The following GFRAL variants were observed in gnomAD, a reference collection of about 807,000 sequenced individuals.
GFRAL encodes GDNF family receptor alpha-like.
Under a neutral mutation model 45.4 loss-of-function variants are expected in GFRAL, and 36 were observed. The ratio of observed to expected loss-of-function variants is 0.79; its 90% CI spans 0.61 to 1.05. The LOEUF is 1.05. Among genes scored for constraint, GFRAL ranks in the 50% least tolerant of loss-of-function variants. The probability of loss-of-function intolerance (pLI) is 0.00; values close to 1 mark genes in which losing one functional copy is unlikely to be tolerated. For missense variants in GFRAL, 507 were observed against 467.5 expected, an observed-to-expected ratio of 1.08 and a Z score of -0.78; for synonymous variants, 166 against 154.1, an observed-to-expected ratio of 1.08 and a Z score of -0.57.
chr6:55,400,852 A>G (rs771666447), intron 8 of GFRAL, among the ~76,000 whole-genome samples: 3 of 152,206 alleles, frequency 2.0e-5, no homozygotes, highest in Non-Finnish European at 2.9e-5. Flanking sequence ...ATTCCATGAC[A>G]AACATTGTTA....
intron 3 of GFRAL, among the ~76,000 whole-genome samples, chr6:55,349,633 C>A (rs915279059): frequency 2.0e-5 from 3 of 151,966 alleles, no homozygotes; most frequent in African/African-American, 4.8e-5. Flanking sequence ...TTTCTAAGAA[C>A]TCTTGGAGGA....
At chr6:55,392,162 C>A (rs1413323753) in intron 6 of GFRAL, among the ~76,000 whole-genome samples, 1 of 152,146 alleles carries the variant, frequency 6.6e-6, no homozygotes, top group East Asian at 1.9e-4. Context: ...ACCCAGAGTG[C>A]AAATTATTCT....
At chr6:55,340,455 G>A (rs1767947565) in intron 3 of GFRAL, among the ~76,000 whole-genome samples, 1 of 152,128 alleles carries the variant, frequency 6.6e-6, no homozygotes, top group South Asian at 2.1e-4. Flanking sequence ...TCTCCATGAT[G>A]TATCCATTAA....
chr6:55,350,980 G>A (rs181369999), intron 4 of GFRAL, among the ~76,000 whole-genome samples: 381 of 152,170 alleles, frequency 2.5e-3, no homozygotes, highest in Non-Finnish European at 4.2e-3. Flanking sequence ...CTTGGACTGG[G>A]AGATTTTTCC....
At chr6:55,390,934 A>AC (rs70986712) in intron 6 of GFRAL, among the ~76,000 whole-genome samples, 4,575 of 112,800 alleles carry the variant, frequency 0.041, 96 homozygotes, top group African/African-American at 0.091. Context: ...ACACACACAC[A>AC]AGTAGTGGTC....
chr6:55,345,565 A>G (rs539043632), intron 3 of GFRAL, among the ~76,000 whole-genome samples: 9 of 152,342 alleles, frequency 5.9e-5, no homozygotes, highest in East Asian at 1.9e-4. Flanking sequence ...AAAGACTTAC[A>G]TGTTAGACCT....
intron 6 of GFRAL, among the ~76,000 whole-genome samples, chr6:55,369,817 T>G (rs1188545773): frequency 1.2e-4 from 19 of 152,238 alleles, no homozygotes; most frequent in Admixed American, 1.2e-3. Context: ...ATTCTGTTTC[T>G]TCTTACCTAC....
chr6:55,386,788 A>G (rs1768686500), intron 6 of GFRAL, among the ~76,000 whole-genome samples: 1 of 152,302 alleles, frequency 6.6e-6, no homozygotes, highest in Middle Eastern at 3.4e-3. Flanking sequence ...TAGTTTCACC[A>G]CTAGGTTTAC....
intron 3 of GFRAL, among the ~76,000 whole-genome samples, chr6:55,342,831 G>T (rs1168937954): frequency 6.6e-6 from 1 of 152,036 alleles, no homozygotes; most frequent in Non-Finnish European, 1.5e-5. Flanking sequence ...GATGGAGGAA[G>T]ATCTACCAAG....
Position 55,351,228 on chromosome 6 carries a change from G to A in GFRAL, c.371-25G>A, listed in dbSNP as rs1298582835. The A allele has an allele frequency of 2.0e-6, 3 of 1,507,670 alleles. No individual in the cohort carries two copies. The Admixed American group carries it at 5.8e-5, about 29-fold the overall frequency. 93.4% of individuals were successfully genotyped at this position (1,507,670 alleles called of 1,614,324 possible). ...TACAGCTTTGTGTTTACTTTTCCAC[G>A]ACCTGGGCATATCATTGCTTTCAGG... On this transcript the variant is annotated intron_variant, in intron 4 of 8. Transcript: ENST00000340465.
At chr6:55,346,983 T>C (rs1053915759) in intron 3 of GFRAL, among the ~76,000 whole-genome samples, 4 of 152,086 alleles carry the variant, frequency 2.6e-5, no homozygotes, top group African/African-American at 7.2e-5. Flanking sequence ...AAGTTGATAG[T>C]GTGACTTTTC....
At chr6:55,395,175 A>AAAAATATATATATATATATAT in intron 6 of GFRAL, among the ~76,000 whole-genome samples, 1 of 123,510 alleles carries the variant, frequency 8.1e-6, no homozygotes, top group African/African-American at 3.5e-5. Flanking sequence ...AAAAAAAAAA[A>AAAAATATATATATATATATAT]ATATATATAT....
At chr6:55,350,425 A>G (rs1433743023) in intron 4 of GFRAL, among the ~76,000 whole-genome samples, 1 of 152,138 alleles carries the variant, frequency 6.6e-6, no homozygotes, top group Non-Finnish European at 1.5e-5. Flanking sequence ...CTGTAGTCCC[A>G]GTACTGTGGG....
chr6:55,375,274 T>C (rs1437376945), intron 6 of GFRAL, among the ~76,000 whole-genome samples: 1 of 152,208 alleles, frequency 6.6e-6, no homozygotes. Flanking sequence ...GTTTCTTCAT[T>C]TGTTTGCATC....
intron 1 of GFRAL, among the ~76,000 whole-genome samples, chr6:55,330,882 C>G (rs1470549770): frequency 6.6e-6 from 1 of 152,030 alleles, no homozygotes; most frequent in African/African-American, 2.4e-5. Context: ...ATAAATTTAG[C>G]AAGAATGAAT....
intron 3 of GFRAL, among the ~76,000 whole-genome samples, chr6:55,341,618 C>G (rs1767966550): frequency 6.6e-6 from 1 of 152,150 alleles, no homozygotes; most frequent in South Asian, 2.1e-4. Context: ...CAGAGCAACT[C>G]TCCCCCTCCA....
At chr6:55,336,833 A>G (rs1213167900) in intron 3 of GFRAL, among the ~76,000 whole-genome samples, 2 of 152,100 alleles carry the variant, frequency 1.3e-5, no homozygotes, top group Admixed American at 1.3e-4. Context: ...TTTGTACCAT[A>G]AAGAGTGTGT....
At chr6:55,341,817 G>T (rs1204169699) in intron 3 of GFRAL, among the ~76,000 whole-genome samples, 1 of 152,184 alleles carries the variant, frequency 6.6e-6, no homozygotes, top group Non-Finnish European at 1.5e-5. Flanking sequence ...ACAGTATAGA[G>T]AAGTCCTTAA....
At chr6:55,347,345 GTGGCATAGT>G (rs1768057059) in intron 3 of GFRAL, among the ~76,000 whole-genome samples, 1 of 152,154 alleles carries the variant, frequency 6.6e-6, no homozygotes, top group African/African-American at 2.4e-5. Context: ...GATCATTGGT[GTGGCATAGT>G]TGGAGTGTCG....
Sources: gnomAD v4.1 joint callset for allele counts (sites outside exome capture counted in the v4.1 genomes callset) on GRCh38, gnomAD v4.1.1 for gene constraint, MANE v1.5 for transcripts, NCBI Gene and HGNC (gene_info 2026-07-23, HGNC 2026-07-21) for gene names.